Variants in FAM184A observed in about 807,000 individuals in gnomAD.
FAM184A encodes protein FAM184A.
Under a neutral mutation model 143.8 loss-of-function variants are expected in FAM184A, and 99 were observed. That is an observed-to-expected ratio of 0.69 (90% CI 0.58 to 0.81). FAM184A has a LOEUF of 0.81. FAM184A is among the 40% of genes least tolerant of loss of function. The pLI is 0.00. For missense variants in FAM184A, 1,217 were observed against 1,310.5 expected, an observed-to-expected ratio of 0.93 and a Z score of 1.10; for synonymous variants, 427 against 446.4, an observed-to-expected ratio of 0.96 and a Z score of 0.55.
chr6:118,999,815 C>T lies in FAM184A; in HGVS notation c.2088+3084G>A, dbSNP rs182821494. On this transcript the variant is annotated intron_variant, in intron 9 of 17. Coordinates refer to ENST00000338891, the MANE Select transcript of FAM184A (RefSeq NM_024581.6). ...CAACATGATGTCCCCCAATGTGGTGCTGGTAAGAGAGGTGCACAATTAGCT... is the reference window on the plus strand; with the variant it reads ...CAACATGATGTCCCCCAATGTGGTGTTGGTAAGAGAGGTGCACAATTAGCT... Among the ~76,000 whole-genome samples the T allele has an allele frequency of 2.6e-4, 40 of 152,298 alleles. No individual in the cohort carries two copies. The East Asian group carries it at 5.0e-3, about 19-fold the overall frequency.
Position 119,121,478 on chromosome 6 carries a change from T to C in FAM184A, c.-202+27600A>G, listed in dbSNP as rs567585754. On this transcript the variant is annotated intron_variant, in intron 1 of 16. Transcript: ENST00000352896. ...TAAGGAAAATTAAATCCATAAGCAG[T>C]ATGAGAGTTTTAGTTTGAGTGCCAT... 5.3e-5 allele frequency among the ~76,000 whole-genome samples: 8 copies of C among 152,304 alleles called. 1 individual carries two copies. In the South Asian group the frequency reaches 1.7e-3, roughly 32 times the overall value.
At chr6:119,126,146 T>C (rs1789359560) in intron 1 of FAM184A, among the ~76,000 whole-genome samples, 1 of 152,210 alleles carries the variant, frequency 6.6e-6, no homozygotes, top group South Asian at 2.1e-4. Flanking sequence ...TCCCTGTGGT[T>C]GTAGGACTGT....
Position 119,018,516 on chromosome 6 carries a change from G to C in FAM184A, c.1332+1462C>G, listed in dbSNP as rs76436454. ...ATACAGGATACAAGGTGATAAAGTGGTGAAAGACGGGGCTCAGAAGTAGGC... is the reference window on the plus strand; with the variant it reads ...ATACAGGATACAAGGTGATAAAGTGCTGAAAGACGGGGCTCAGAAGTAGGC... On this transcript the variant is annotated intron_variant, in intron 4 of 17. Coordinates refer to ENST00000338891, the MANE Select transcript of FAM184A (RefSeq NM_024581.6). 2.3e-3 allele frequency among the ~76,000 whole-genome samples: 354 copies of C among 152,306 alleles called. 3 individuals carry two copies. Among genetic ancestry groups the C allele is most frequent in the African/African-American group, 8.1e-3 (336 of 41,570 alleles).
rs1052025408 is a variant in FAM184A, at chr6:119,006,486, G to A, written c.1776C>T (p.Asp592=). 1.2e-6 allele frequency: 2 copies of A among 1,613,984 alleles called. No individual in the cohort carries two copies. Among genetic ancestry groups the A allele is most frequent in the Non-Finnish European group, 1.7e-6 (2 of 1,179,958 alleles). The stretch of plus-strand genomic sequence containing the variant: ...GAGCATCCTTGGTCTCCTTTAGGCT[G>A]TCTTTAGTCAAGTCAAGCTCATTCT... The part of the protein sequence containing the change: ...RLQNELDLTK[D]SLKETKDALL... The change falls in exon 7 of 18, where the codon GAC becomes GAT. Residue 592 remains aspartate, a synonymous_variant. Transcript: ENST00000338891.
intron 11 of FAM184A, 28 bp from the exon 12 acceptor site, chr6:118,976,072 G>C (rs1448457140): frequency 8.8e-6 from 14 of 1,591,652 alleles, no homozygotes; most frequent in Middle Eastern, 1.7e-4. Context: ...AAATACATTT[G>C]GCACATTTAA....
At chr6:119,130,044 A>AT (rs113740424) in intron 1 of FAM184A, among the ~76,000 whole-genome samples, 49,952 of 151,504 alleles carry the variant, frequency 0.33, 8,318 homozygotes, top group East Asian at 0.47. Flanking sequence ...GGTTTTAAAC[A>AT]TTTTTTTTTA....
At chr6:119,095,431 T>G (rs1010391438) in intron 1 of FAM184A, among the ~76,000 whole-genome samples, 1 of 152,234 alleles carries the variant, frequency 6.6e-6, no homozygotes, top group African/African-American at 2.4e-5. Context: ...ATCCAATCCC[T>G]TGCTCCTGGC....
intron 1 of FAM184A, among the ~76,000 whole-genome samples, chr6:119,083,868 G>A (rs1170813692): frequency 6.6e-6 from 1 of 152,056 alleles, no homozygotes; most frequent in African/African-American, 2.4e-5. Context: ...CACATTTTTA[G>A]GTATCTTTAC....
At chr6:119,081,004 G>A (rs999581915), upstream of FAM184A, among the ~76,000 whole-genome samples, 3 of 152,176 alleles carry the variant, frequency 2.0e-5, no homozygotes, top group African/African-American at 4.8e-5. Context: ...TGGAGCAGGA[G>A]GGGGAAAGAG....
intron 9 of FAM184A, among the ~76,000 whole-genome samples, chr6:118,998,124 A>T (rs1382137290): frequency 1.3e-5 from 2 of 152,118 alleles, no homozygotes; most frequent in African/African-American, 4.8e-5. Flanking sequence ...CACCCCAAAT[A>T]AATAGCTCAT....
chr6:118,960,292 G>C, intron 17 of FAM184A, 108 bp from the exon 18 acceptor site: 1 of 817,458 alleles, frequency 1.2e-6, no homozygotes, highest in Non-Finnish European at 1.9e-6. Context: ...GGTTCCCCAT[G>C]TTGTAAGTCG....
At chr6:119,074,103 T>A (rs1787787012) in intron 1 of FAM184A, among the ~76,000 whole-genome samples, 1 of 152,142 alleles carries the variant, frequency 6.6e-6, no homozygotes, top group African/African-American at 2.4e-5. Flanking sequence ...GATTCACCAG[T>A]GAAAGAATAA....
chr6:119,108,951 C>T (rs1788860733), intron 1 of FAM184A, among the ~76,000 whole-genome samples: 1 of 152,174 alleles, frequency 6.6e-6, no homozygotes, highest in Non-Finnish European at 1.5e-5. Flanking sequence ...ATCTACTCCC[C>T]ACTATTTTCC....
intron 1 of FAM184A, among the ~76,000 whole-genome samples, chr6:119,143,014 C>G (rs141449325): frequency 9.2e-5 from 14 of 152,240 alleles, no homozygotes; most frequent in African/African-American, 3.4e-4. Flanking sequence ...TCACCAGAAA[C>G]TAGGAGGGAG....
intron 1 of FAM184A, among the ~76,000 whole-genome samples, chr6:119,060,839 T>A (rs188029617): frequency 6.6e-6 from 1 of 152,246 alleles, no homozygotes; most frequent in East Asian, 1.9e-4. Context: ...TTGTGTTCCA[T>A]CGTGAGTAAA....
At chr6:119,069,172 T>C (rs1346597926) in intron 1 of FAM184A, 1 of 253,458 alleles carries the variant, frequency 3.9e-6, no homozygotes, top group Admixed American at 4.9e-5. Context: ...TATTAAATAA[T>C]TAATAGTACC....
chr6:119,071,217 C>A (rs1582585422), intron 1 of FAM184A, among the ~76,000 whole-genome samples: 1 of 152,248 alleles, frequency 6.6e-6, no homozygotes, highest in East Asian at 1.9e-4. Context: ...AAAGGATTTT[C>A]ATAAACTAAA....
At chr6:119,076,848 T>C (rs1255226500) in intron 1 of FAM184A, among the ~76,000 whole-genome samples, 3 of 152,206 alleles carry the variant, frequency 2.0e-5, no homozygotes, top group African/African-American at 7.2e-5. Flanking sequence ...TTTTCCTTTC[T>C]CTGAATGCAA....
intron 1 of FAM184A, among the ~76,000 whole-genome samples, chr6:119,109,309 TA>T (rs1377287735): frequency 1.3e-5 from 2 of 152,212 alleles, no homozygotes; most frequent in African/African-American, 4.8e-5. Flanking sequence ...CTGTTTAAAG[TA>T]CACAGAAGAA....
Sources: gnomAD v4.1 joint callset for allele counts (sites outside exome capture counted in the v4.1 genomes callset) on GRCh38, gnomAD v4.1.1 for gene constraint, MANE v1.5 for transcripts, NCBI Gene and HGNC (gene_info 2026-07-23, HGNC 2026-07-21) for gene names.